The following FYB2 variants were observed in gnomAD, a reference collection of about 807,000 sequenced individuals.
The protein encoded by FYB2 is FYN-binding protein 2.
Under a neutral mutation model 94.1 loss-of-function variants are expected in FYB2, and 103 were observed. That is an observed-to-expected ratio of 1.09 (90% CI 0.93 to 1.29). The LOEUF is 1.29. Among genes scored for constraint, FYB2 ranks in the 50% most tolerant of loss-of-function variants. FYB2 has a pLI of 0.00. For missense variants in FYB2, 896 were observed against 841.5 expected (o/e 1.06, Z -0.80); for synonymous variants, 293 against 287.9 (o/e 1.02, Z -0.18).
At chr1:56,762,558 T>A (rs1436640935) in intron 5 of FYB2, among the ~76,000 whole-genome samples, 1 of 152,218 alleles carries the variant, frequency 6.6e-6, no homozygotes, top group East Asian at 1.9e-4. Flanking sequence ...TATAATTGAT[T>A]TTTTTGTACA....
intron 1 of FYB2, among the ~76,000 whole-genome samples, chr1:56,796,405 C>T (rs981075023): frequency 3.3e-5 from 5 of 152,068 alleles, no homozygotes; most frequent in African/African-American, 4.8e-5. Context: ...TCCCCAAATC[C>T]CACTGATCTG....
At chr1:56,753,090 C>T (rs1349377687) in intron 8 of FYB2, among the ~76,000 whole-genome samples, 1 of 152,066 alleles carries the variant, frequency 6.6e-6, no homozygotes, top group East Asian at 1.9e-4. Flanking sequence ...CAGGCTCATA[C>T]AGCCAACATG....
chr1:56,771,973 T>C (rs1645767854), intron 4 of FYB2, among the ~76,000 whole-genome samples: 1 of 152,132 alleles, frequency 6.6e-6, no homozygotes, highest in African/African-American at 2.4e-5. Flanking sequence ...TAGTTTTCTT[T>C]TGTGTATATT....
At position 56,722,439 on chromosome 1, in the gene FYB2, G is replaced by C. The variant is rs569166889; in HGVS notation, c.1974+1149C>G. 4.6e-5 allele frequency among the ~76,000 whole-genome samples: 7 copies of C among 152,200 alleles called. No homozygotes were observed. In the South Asian group the frequency reaches 1.0e-3, roughly 23 times the overall value. On this transcript the variant is annotated intron_variant, in intron 17 of 19. Transcript: ENST00000343433. ...AATTACTTTAATGTGTGATAAGCTA[G>C]AGATTGCTCAAGTATATAGGTAAAC...
chr1:56,818,931 C>A (rs950940307), intron 1 of FYB2, among the ~76,000 whole-genome samples: 2 of 152,176 alleles, frequency 1.3e-5, no homozygotes, highest in Admixed American at 1.3e-4. Flanking sequence ...ATACAGTCCA[C>A]AAGGGCAAGT....
chr1:56,738,716 G>T, intron 13 of FYB2, 63 bp from the exon 14 acceptor site: 1 of 1,525,430 alleles, frequency 6.6e-7, no homozygotes, highest in South Asian at 1.2e-5. Flanking sequence ...AAGATGAGCT[G>T]ACAGATCTCC....
chr1:56,764,939 C>T (rs1353929021), intron 5 of FYB2, among the ~76,000 whole-genome samples: 2 of 152,156 alleles, frequency 1.3e-5, no homozygotes, highest in Non-Finnish European at 1.5e-5. Context: ...AGACACTAAT[C>T]CCATTTGAGA....
intron 5 of FYB2, among the ~76,000 whole-genome samples, chr1:56,766,385 T>A (rs1645623168): frequency 6.6e-6 from 1 of 152,190 alleles, no homozygotes; most frequent in South Asian, 2.1e-4. Context: ...GACTGCCCAG[T>A]CTAAAAGAGA....
intron 1 of FYB2, among the ~76,000 whole-genome samples, chr1:56,817,707 T>A (rs1011962894): frequency 6.6e-6 from 1 of 151,994 alleles, no homozygotes; most frequent in Non-Finnish European, 1.5e-5. Flanking sequence ...GAGAAACCAC[T>A]CTTATTTCTC....
intron 17 of FYB2, chr1:56,720,752 A>C (rs1471255959): frequency 6.4e-6 from 1 of 155,544 alleles, no homozygotes; most frequent in African/African-American, 2.4e-5. Flanking sequence ...CATCCTTTCT[A>C]ATACTCTCCC....
At chr1:56,825,668 C>A in the FYB2 span, among the ~76,000 whole-genome samples, 9 of 152,114 alleles carry the variant, frequency 5.9e-5, no homozygotes, top group Non-Finnish European at 1.2e-4. Context: ...AACAAGCGCC[C>A]CCACTTTGTC....
intron 1 of FYB2, among the ~76,000 whole-genome samples, chr1:56,805,031 T>C (rs935143987): frequency 3.9e-5 from 6 of 152,200 alleles, no homozygotes; most frequent in Non-Finnish European, 8.8e-5. Context: ...TATTCATCTT[T>C]TGAGATTTTT....
At position 56,719,402 on chromosome 1, in the gene FYB2, A is replaced by G; in HGVS notation, c.*269T>C. 1 of 366,480 alleles carries G rather than the reference A, an allele frequency of 2.7e-6. No individual in the cohort carries two copies. The highest frequency in any genetic ancestry group is 4.9e-6 in the Non-Finnish European group (1 of 203,472). 22.7% of individuals were successfully genotyped at this position (366,480 alleles called of 1,614,324 possible). ...TATGGCTCATTAAATAAGTGCTCAA[A>G]TGCTAACACATACTGTTTCACATTC... On this transcript the variant is annotated 3_prime_UTR_variant, in exon 20 of 20. Transcript: ENST00000343433.
At chr1:56,740,831 T>G (rs1429286069) in intron 12 of FYB2, 36 bp from the exon 13 acceptor site, 1 of 1,394,992 alleles carries the variant, frequency 7.2e-7, no homozygotes, top group Admixed American at 1.9e-5. Flanking sequence ...AACATGGCAT[T>G]TAAGAGAGTA....
chr1:56,735,251 A>G (rs1044509277), intron 15 of FYB2, among the ~76,000 whole-genome samples: 1 of 152,162 alleles, frequency 6.6e-6, no homozygotes, highest in Non-Finnish European at 1.5e-5. Context: ...TGTGATAAAC[A>G]TACACATGGC....
chr1:56,789,189 G>A, intron 2 of FYB2, 55 bp from the exon 3 acceptor site: 1 of 1,521,380 alleles, frequency 6.6e-7, no homozygotes, highest in East Asian at 2.3e-5. Flanking sequence ...TTCATAGCTT[G>A]TGGGTAAAAC....
chr1:56,777,512 G>A (rs1645908444), intron 4 of FYB2, among the ~76,000 whole-genome samples: 1 of 152,138 alleles, frequency 6.6e-6, no homozygotes, highest in African/African-American at 2.4e-5. Flanking sequence ...TTATAATTTA[G>A]TCAGGGAAAT....
chr1:56,789,545 C>A (rs571074064), intron 2 of FYB2, among the ~76,000 whole-genome samples: 228 of 152,342 alleles, frequency 1.5e-3, no homozygotes, highest in Non-Finnish European at 1.7e-3. Flanking sequence ...TTCTGGAACA[C>A]TTTTCCCTTT....
At chr1:56,797,226 T>C (rs185259749) in intron 1 of FYB2, among the ~76,000 whole-genome samples, 18 of 152,178 alleles carry the variant, frequency 1.2e-4, no homozygotes, top group Non-Finnish European at 5.9e-5. Flanking sequence ...CAATTTCACA[T>C]AACTGAAGCC....
Sources: allele counts gnomAD v4.1 joint callset (sites outside exome capture counted in the v4.1 genomes callset), GRCh38; gene constraint gnomAD v4.1.1; transcripts MANE v1.5; gene names NCBI Gene and HGNC (gene_info 2026-07-23, HGNC 2026-07-21).